The following B4GALNT3 variants were observed in gnomAD, a reference collection of about 807,000 sequenced individuals.
B4GALNT3 encodes beta-1,4-N-acetyl-galactosaminyltransferase 3.
B4GALNT3 carries 86 observed loss-of-function variants against 120.2 expected under a neutral mutation model. The ratio of observed to expected loss-of-function variants is 0.72; its 90% CI spans 0.60 to 0.86. The LOEUF is 0.86. B4GALNT3 is among the 40% of genes least tolerant of loss of function. B4GALNT3 has a pLI of 0.00. For missense variants in B4GALNT3, 1,167 were observed against 1,298.9 expected (o/e 0.90, Z 1.56); for synonymous variants, 518 against 510.4 (o/e 1.01, Z -0.20).
At chr12:521,769 C>A (rs1347541967) in intron 1 of B4GALNT3, among the ~76,000 whole-genome samples, 1 of 152,176 alleles carries the variant, frequency 6.6e-6, no homozygotes. Flanking sequence ...GCTCTAAGTT[C>A]CTGTACCGGC....
Position 548,938 on chromosome 12 carries a change from A to G in B4GALNT3, c.853+641A>G, listed in dbSNP as rs58895526. On this transcript the variant is annotated intron_variant, in intron 9 of 19. Transcript: ENST00000266383. The surrounding 1 kb of genome is among the most constrained non-coding windows in gnomAD (Gnocchi z 4.9). ...CAAAACAACACAAAAAAACCCTCTG[A>G]GCGAGTCCAATCCCCTATTTTCCAG... Among the ~76,000 whole-genome samples the G allele has an allele frequency of 0.2, 31,169 of 152,076 alleles. 3,356 individuals are homozygous for G. Among genetic ancestry groups the G allele is most frequent in the Non-Finnish European group, 0.24 (16,175 of 67,976 alleles).
chr12:533,767 G>A (rs1424438016), intron 1 of B4GALNT3, among the ~76,000 whole-genome samples: 3 of 152,176 alleles, frequency 2.0e-5, no homozygotes, highest in African/African-American at 4.8e-5. Context: ...TCAGTAAGCC[G>A]AAAGGGCCCA....
rs1168762596 is a variant in B4GALNT3, at chr12:548,180, A to T, written c.787-51A>T. 2 of 1,609,430 alleles carry T rather than the reference A, an allele frequency of 1.2e-6. No individual in the cohort carries two copies. The highest frequency in any genetic ancestry group is 2.2e-5 in the South Asian group (2 of 90,974). On this transcript the variant is annotated intron_variant, in intron 8 of 19. Transcript: ENST00000266383. This position sits in a 1 kb window ranked among gnomAD's most constrained non-coding sequence, Gnocchi z 4.9. ...CCCCTTGTCCCTTGACCCCTGTTGG[A>T]AATCCAGCTACCTCCCACCTTCTGC...
At chr12:514,498 A>AT (rs933051753) in intron 1 of B4GALNT3, among the ~76,000 whole-genome samples, 24 of 151,806 alleles carry the variant, frequency 1.6e-4, no homozygotes, top group Admixed American at 2.6e-4. Context: ...CGCCCAGCCT[A>AT]TTTTTTTTAA....
rs1384963264 is a variant in B4GALNT3, at chr12:511,354, C to G, written c.170-23812C>G. ...CCTTCCACCTTCCTTCCACCTTCCA[C>G]CTTCCACCTTCAACCTTCCGCCTTC... On this transcript the variant is annotated intron_variant, in intron 1 of 19. Coordinates refer to ENST00000266383, the MANE Select transcript of B4GALNT3 (RefSeq NM_173593.4). 3.3e-3 allele frequency among the ~76,000 whole-genome samples: 439 copies of G among 133,150 alleles called. 26 individuals carry two copies. Among genetic ancestry groups the G allele is most frequent in the Non-Finnish European group, 4.5e-3 (269 of 59,978 alleles). The allele number at this position is 133,150 out of a possible 152,430, so 87.4% of individuals were successfully genotyped here. A position where few individuals can be genotyped will look rare whatever the true frequency, so the allele number is the denominator to read the frequency against.
intron 1 of B4GALNT3, among the ~76,000 whole-genome samples, chr12:527,918 T>TG (rs1946772180): frequency 6.6e-6 from 1 of 151,148 alleles, no homozygotes; most frequent in Non-Finnish European, 1.5e-5. Context: ...GGAAATGGTC[T>TG]GGGGGTGTGT....
At chr12:532,872 C>T (rs1214282627) in intron 1 of B4GALNT3, among the ~76,000 whole-genome samples, 5 of 152,168 alleles carry the variant, frequency 3.3e-5, no homozygotes, top group Non-Finnish European at 7.3e-5. Context: ...AGTCATCTCC[C>T]CTTGGTGTGA....
At chr12:532,059 G>A (rs1592044761) in intron 1 of B4GALNT3, among the ~76,000 whole-genome samples, 1 of 151,924 alleles carries the variant, frequency 6.6e-6, no homozygotes, top group South Asian at 2.1e-4. Flanking sequence ...TGCTGCCTTG[G>A]CCTCCCAAAG....
intron 1 of B4GALNT3, among the ~76,000 whole-genome samples, chr12:479,098 G>A (rs1483276505): frequency 6.6e-6 from 1 of 152,226 alleles, no homozygotes; most frequent in African/African-American, 2.4e-5. Flanking sequence ...TCAGCTCCAG[G>A]TAGGGGATGT....
At chr12:536,800 C>A (rs971865908) in intron 3 of B4GALNT3, among the ~76,000 whole-genome samples, 5 of 152,180 alleles carry the variant, frequency 3.3e-5, no homozygotes, top group African/African-American at 1.2e-4. Context: ...GGAATAGTAT[C>A]ATTATCCTCA....
chr12:552,013 T>A, intron 11 of B4GALNT3, 50 bp from the exon 12 acceptor site: 1 of 1,419,372 alleles, frequency 7.0e-7, no homozygotes, highest in South Asian at 1.1e-5. Flanking sequence ...GGCTGATTTC[T>A]TACCAAGATC....
intron 1 of B4GALNT3, among the ~76,000 whole-genome samples, chr12:533,003 A>G (rs149896960): frequency 6.6e-6 from 1 of 152,322 alleles, no homozygotes; most frequent in East Asian, 1.9e-4. Context: ...TTTCCCCACA[A>G]GCTTCTCTTG....
intron 1 of B4GALNT3, among the ~76,000 whole-genome samples, chr12:506,690 G>A (rs1251960421): frequency 2.0e-5 from 3 of 152,048 alleles, no homozygotes; most frequent in Non-Finnish European, 4.4e-5. Context: ...AGGCTGGAGT[G>A]CAGTGGCGCG....
intron 1 of B4GALNT3, among the ~76,000 whole-genome samples, chr12:534,518 G>C (rs750812225): frequency 3.9e-5 from 6 of 152,142 alleles, no homozygotes; most frequent in Non-Finnish European, 8.8e-5. Flanking sequence ...GCCTTCCCAG[G>C]TGCGTGTAAG....
intron 1 of B4GALNT3, among the ~76,000 whole-genome samples, chr12:466,369 G>A (rs1946081158): frequency 6.6e-6 from 1 of 152,086 alleles, no homozygotes; most frequent in Admixed American, 6.6e-5. Flanking sequence ...GGAGTTGGCC[G>A]CTCGCTGTCT....
At position 548,152 on chromosome 12, in the gene B4GALNT3, T is replaced by C; in HGVS notation, c.786+50T>C. 1.2e-6 allele frequency: 2 copies of C among 1,606,798 alleles called. No homozygotes were observed. The highest frequency in any genetic ancestry group is 8.5e-7 in the Non-Finnish European group (1 of 1,173,412). ...CTCCCAGCTCAGTTCCTGGCACTCA[T>C]CTCCCCTTGTCCCTTGACCCCTGTT... On this transcript the variant is annotated intron_variant, in intron 8 of 19. Coordinates refer to ENST00000266383, the MANE Select transcript of B4GALNT3 (RefSeq NM_173593.4). The surrounding 1 kb of genome is among the most constrained non-coding windows in gnomAD (Gnocchi z 4.9).
intron 1 of B4GALNT3, among the ~76,000 whole-genome samples, chr12:530,742 A>G (rs116474912): frequency 7.3e-4 from 111 of 152,328 alleles, no homozygotes; most frequent in African/African-American, 2.6e-3. Flanking sequence ...GAGTCTTAGA[A>G]AAAAGCACAA....
Position 549,695 on chromosome 12 carries a change from C to T in B4GALNT3, c.854-74C>T, listed in dbSNP as rs1947053773. 4 of 1,580,880 alleles carry T rather than the reference C, an allele frequency of 2.5e-6. No homozygotes were observed. The Admixed American group carries it at 6.7e-5, about 26-fold the overall frequency. ...CAGGAGCCCCTTCTGCGTCTCTTCC[C>T]TCCCCTTCAAGGGCAGTGGGCTGCT... On this transcript the variant is annotated intron_variant, in intron 9 of 19. Transcript: ENST00000266383.
At chr12:537,773 G>T (rs1323909585) in intron 3 of B4GALNT3, among the ~76,000 whole-genome samples, 1 of 152,148 alleles carries the variant, frequency 6.6e-6, no homozygotes, top group East Asian at 1.9e-4. Context: ...ACTTTTCTTG[G>T]CTGGGTGGTA....
Sources: allele counts gnomAD v4.1 joint callset (sites outside exome capture counted in the v4.1 genomes callset), GRCh38; gene constraint gnomAD v4.1.1; non-coding constraint Gnocchi (gnomAD v3.1); transcripts MANE v1.5; gene names NCBI Gene and HGNC (gene_info 2026-07-23, HGNC 2026-07-21).